MYOZ3: variants seen among roughly 807,000 people sequenced by gnomAD.
MYOZ3 encodes myozenin-3.
Under a neutral mutation model 26.5 loss-of-function variants are expected in MYOZ3, and 19 were observed. That is an observed-to-expected ratio of 0.72 (90% CI 0.50 to 1.05). The LOEUF (loss-of-function observed/expected upper bound fraction) is 1.05. Ranked by LOEUF, MYOZ3 falls within the 50% of genes least tolerant of loss-of-function variation. The probability of loss-of-function intolerance (pLI) is 0.00; values close to 1 mark genes in which losing one functional copy is unlikely to be tolerated. For synonymous variants in MYOZ3, 135 were observed against 138.8 expected (o/e 0.97, Z 0.19); for missense variants, 322 against 337.1 (o/e 0.96, Z 0.35).
chr5:150,664,029 C>G (rs1373816518), intron 2 of MYOZ3, among the ~76,000 whole-genome samples: 1 of 151,214 alleles, frequency 6.6e-6, no homozygotes, highest in East Asian at 1.9e-4. Flanking sequence ...AAAATTAATT[C>G]AACTAAGTCA....
chr5:150,676,561 A>T (rs930899409), intron 6 of MYOZ3, 146 bp from the exon 7 acceptor site: 1 of 704,824 alleles, frequency 1.4e-6, no homozygotes, highest in Non-Finnish European at 2.2e-6. Flanking sequence ...AAAAAAAAAA[A>T]AAGATGTACA....
At chr5:150,671,554 C>G in intron 3 of MYOZ3, 43 bp from the exon 4 acceptor site, 1 of 1,612,136 alleles carries the variant, frequency 6.2e-7, no homozygotes. Flanking sequence ...GTCCCCTGCC[C>G]CGCTGAGCTT....
In MYOZ3 at chr5:150,662,950, C is replaced by T; in HGVS notation, c.9C>T (p.Pro3=). 1.2e-6 allele frequency: 2 copies of T among 1,611,866 alleles called. No individual in the cohort carries two copies. Among genetic ancestry groups the T allele is most frequent in the Non-Finnish European group, 1.7e-6 (2 of 1,179,018 alleles). Residue 3 remains proline, a synonymous_variant, in exon 2 of 7, where the codon CCC becomes CCT. Coordinates refer to ENST00000517768, the MANE Select transcript of MYOZ3 (RefSeq NM_001122853.3). ...GGTCTCTCCTCCACAGGATGATCCC[C>T]AAGGAGCAGAAGGGGCCAGTGATGG... is the stretch of plus-strand genomic sequence containing the variant. MI[P]KEQKGPVMAA...
At chr5:150,662,389 G>A (rs960439422) in intron 1 of MYOZ3, among the ~76,000 whole-genome samples, 1 of 152,160 alleles carries the variant, frequency 6.6e-6, no homozygotes, top group East Asian at 1.9e-4. Flanking sequence ...TGGGGAGGAC[G>A]GGGGATGGTT....
At chr5:150,671,449 C>T (rs1758907630) in intron 3 of MYOZ3, 148 bp from the exon 4 acceptor site, 4 of 768,958 alleles carry the variant, frequency 5.2e-6, no homozygotes, top group Non-Finnish European at 6.5e-6. Context: ...CTGGGTTTAG[C>T]GTTGTAAACT....
At chr5:150,676,166 C>T (rs1013577247) in intron 6 of MYOZ3, among the ~76,000 whole-genome samples, 21 of 152,120 alleles carry the variant, frequency 1.4e-4, no homozygotes, top group African/African-American at 5.1e-4. Context: ...ATTCTGACTC[C>T]ATCGGCTTCA....
intron 5 of MYOZ3, 171 bp downstream of exon 5, chr5:150,672,079 C>T: frequency 8.7e-7 from 1 of 1,153,808 alleles, no homozygotes; most frequent in South Asian, 1.4e-5. Context: ...CGCCGCGCCC[C>T]AGGTCACACA....
intron 2 of MYOZ3, among the ~76,000 whole-genome samples, chr5:150,666,907 C>T (rs140094175): frequency 2.8e-4 from 43 of 151,944 alleles, no homozygotes; most frequent in East Asian, 9.7e-4. Context: ...TACAGGCACA[C>T]GCCACCATGC....
Position 150,676,954 on chromosome 5 carries a change from A to G in MYOZ3, c.*79A>G. On this transcript the variant is annotated 3_prime_UTR_variant, in exon 7 of 7. Transcript: ENST00000517768. The stretch of plus-strand genomic sequence containing the variant: ...CCAAGACTTGTGGACAGCACTTCAC[A>G]GTTGAAGAAGGGCCTTCACACACAA... 7.0e-7 allele frequency: 1 copy of G among 1,424,170 alleles called. No individual in the cohort carries two copies. Among genetic ancestry groups the G allele is most frequent in the Non-Finnish European group, 9.6e-7 (1 of 1,046,192 alleles). The allele number at this position is 1,424,170 out of a possible 1,614,324, so 88.2% of individuals were successfully genotyped here. A position where few individuals can be genotyped will look rare whatever the true frequency, so the allele number is the denominator to read the frequency against.
intron 1 of MYOZ3, 86 bp from the exon 2 acceptor site, chr5:150,662,855 T>G: frequency 8.1e-7 from 1 of 1,236,512 alleles, no homozygotes; most frequent in Non-Finnish European, 1.2e-6. Context: ...TGTTCAGGAC[T>G]GGGGCAGGGT....
At chr5:150,669,733 C>T (rs1219450394) in intron 2 of MYOZ3, among the ~76,000 whole-genome samples, 1 of 148,358 alleles carries the variant, frequency 6.7e-6, no homozygotes, top group Non-Finnish European at 1.5e-5. Flanking sequence ...GCAACCTCCA[C>T]CTCCTGGGTT....
At chr5:150,669,493 GGAATATAGTCATT>G (rs1039354152) in intron 2 of MYOZ3, among the ~76,000 whole-genome samples, 4 of 151,942 alleles carry the variant, frequency 2.6e-5, no homozygotes, top group Admixed American at 1.3e-4. Context: ...AAACCTCATA[GGAATATAGTCATT>G]GAAAAAGATA....
At chr5:150,672,739 T>G (rs554485377) in intron 6 of MYOZ3, 1 of 503,730 alleles carries the variant, frequency 2.0e-6, no homozygotes, top group African/African-American at 2.0e-5. Flanking sequence ...CTCCAGGACA[T>G]GGTGGGCGGG....
At chr5:150,675,781 T>C (rs1303488760) in intron 6 of MYOZ3, among the ~76,000 whole-genome samples, 1 of 152,236 alleles carries the variant, frequency 6.6e-6, no homozygotes, top group Non-Finnish European at 1.5e-5. Context: ...TGCTCAGGTC[T>C]GCATCCCAGT....
At chr5:150,662,886 G>A (rs780321891) in intron 1 of MYOZ3, 55 bp from the exon 2 acceptor site, 55 of 1,505,534 alleles carry the variant, frequency 3.7e-5, no homozygotes, top group Non-Finnish European at 5.0e-5. Flanking sequence ...CTGGAAGGAG[G>A]TCTGGGGAGA....
At chr5:150,670,733 T>G in intron 3 of MYOZ3, 95 bp downstream of exon 3, 2 of 1,253,362 alleles carry the variant, frequency 1.6e-6, no homozygotes, top group Non-Finnish European at 1.1e-6. Flanking sequence ...CTGAGGACTG[T>G]GATGTTCCCA....
In MYOZ3 at chr5:150,672,473, C is replaced by A. The variant is rs1390621858; in HGVS notation, c.558C>A (p.Pro186=). The A allele has an allele frequency of 6.3e-7, 1 of 1,589,580 alleles. No homozygotes were observed. Reference sequence around the variant, plus strand: ...AGAGCGATGGCCGAAGTCACACCCCCAGCCCCAACGACTACCGAAATTTCA... The same window carrying A: ...AGAGCGATGGCCGAAGTCACACCCCAAGCCCCAACGACTACCGAAATTTCA... ...DYQSDGRSHT[P]SPNDYRNFNK... is the part of the protein sequence containing the mutation. Residue 186 remains proline (P), a synonymous_variant, in exon 6 of 7, where the codon CCC becomes CCA. Transcript: ENST00000517768.
At chr5:150,671,490 C>T in intron 3 of MYOZ3, 107 bp from the exon 4 acceptor site, 4 of 1,115,008 alleles carry the variant, frequency 3.6e-6, no homozygotes, top group Non-Finnish European at 5.3e-6. Context: ...CGATGATGGG[C>T]GTTAGGATTC....
rs745310342 is a variant in MYOZ3, at chr5:150,676,910, G to A, written c.*35G>A. On this transcript the variant is annotated 3_prime_UTR_variant, in exon 7 of 7. Transcript: ENST00000517768. ...GAATCTTCAGTTCCCCAGTCTCGGG[G>A]GCCTGGTAACATCCGGAGCCAAGAC... 1.6e-5 allele frequency: 26 copies of A among 1,581,440 alleles called. No individual in the cohort carries two copies. In the South Asian group the frequency reaches 2.7e-4, roughly 16 times the overall value.
Sources: gnomAD v4.1 joint callset for allele counts (sites outside exome capture counted in the v4.1 genomes callset) on GRCh38, gnomAD v4.1.1 for gene constraint, MANE v1.5 for transcripts, NCBI Gene and HGNC (gene_info 2026-07-23, HGNC 2026-07-21) for gene names.